Variants in RAB6A observed in about 807,000 individuals in gnomAD.
RAB6A encodes the protein ras-related protein Rab-6A.
In RAB6A, 8 loss-of-function variants were observed where a neutral mutation model predicts 32.3. That is an observed-to-expected ratio of 0.25 (90% CI 0.15 to 0.45). The LOEUF (loss-of-function observed/expected upper bound fraction) is 0.45. Ranked by LOEUF, RAB6A falls within the 20% of genes least tolerant of loss-of-function variation. RAB6A has a pLI of 1.00. For synonymous variants in RAB6A, 73 were observed against 82.1 expected (o/e 0.89, Z 0.60); for missense variants, 104 against 249.4 (o/e 0.42, Z 3.93).
chr11:73,722,267 T>C (rs1188206036), intron 2 of RAB6A: 1 of 142,536 alleles, frequency 7.0e-6, no homozygotes, highest in Non-Finnish European at 1.6e-5. Context: ...TCTTTTCTGA[T>C]GCTTCCGTAA....
rs148856911 is a variant in RAB6A at position 73,703,993 on chromosome 11, C to T, written c.495+3427G>A. ...GCAGTGAGCCGAGGTGGTGCCACTG[C>T]ACTCCAGCCTGGGCAACAGAGGGAG... is the stretch of plus-strand genomic sequence containing the variant. On this transcript the variant is annotated intron_variant, in intron 6 of 7. Coordinates refer to ENST00000336083, the MANE Select transcript of RAB6A (RefSeq NM_198896.2). Among the ~76,000 whole-genome samples the T allele has an allele frequency of 3.3e-3, 491 of 149,088 alleles. 1 individual carries two copies. Among genetic ancestry groups the T allele is most frequent in the Middle Eastern group, 0.014 (4 of 288 alleles).
chr11:73,717,626 T>C (rs936309454), intron 4 of RAB6A, among the ~76,000 whole-genome samples: 1 of 152,186 alleles, frequency 6.6e-6, no homozygotes, highest in Non-Finnish European at 1.5e-5. Context: ...GCATTTTTAG[T>C]AGAGATGGAG....
At position 73,692,788 on chromosome 11, in the gene RAB6A, C is replaced by CAAAAA. The variant is rs140762210; in HGVS notation, c.496-13073_496-13069dup. Among the ~76,000 whole-genome samples the CAAAAA allele has an allele frequency of 9.0e-4, 88 of 98,168 alleles. 1 individual carries two copies. Among genetic ancestry groups the CAAAAA allele is most frequent in the East Asian group, 2.2e-3 (7 of 3,194 alleles). The allele number at this position is 98,168 out of a possible 152,430, so 64.4% of individuals were successfully genotyped here. A position where few individuals can be genotyped will look rare whatever the true frequency, so the allele number is the denominator to read the frequency against. ...TGAAACCCTGTCTCTACTAAAAATA[C>CAAAAA]AAAAAAAAAAAAAAAAAAAAAAATT... is the stretch of plus-strand genomic sequence containing the variant. On this transcript the variant is annotated intron_variant, in intron 6 of 7. Transcript: ENST00000336083.
chr11:73,722,056 G>GTGTGTGTGTATATATATATAT (rs1555061901), intron 2 of RAB6A, among the ~76,000 whole-genome samples: 9 of 151,046 alleles, frequency 6.0e-5, no homozygotes, highest in Non-Finnish European at 1.2e-4. Flanking sequence ...CTTCTGCCAT[G>GTGTGTGTGTATATATATATAT]ATTGTAAGTT....
intron 1 of RAB6A, among the ~76,000 whole-genome samples, chr11:73,758,874 C>T (rs1379943406): frequency 2.0e-5 from 3 of 152,086 alleles, no homozygotes; most frequent in Admixed American, 6.6e-5. Context: ...CTAGAAGCAA[C>T]TCCATAGGTT....
At chr11:73,737,869 C>T (rs1302907680) in intron 1 of RAB6A, among the ~76,000 whole-genome samples, 2 of 151,254 alleles carry the variant, frequency 1.3e-5, no homozygotes, top group Non-Finnish European at 2.9e-5. Flanking sequence ...TGGTGGTGGG[C>T]GCCTGTAATC....
At chr11:73,749,805 T>C (rs1325415526) in intron 1 of RAB6A, among the ~76,000 whole-genome samples, 3 of 152,118 alleles carry the variant, frequency 2.0e-5, no homozygotes, top group Non-Finnish European at 4.4e-5. Flanking sequence ...GAGGATGCAG[T>C]GAGCTGTGAT....
intron 1 of RAB6A, among the ~76,000 whole-genome samples, chr11:73,738,952 AAAACTAAACT>A (rs527361465): frequency 3.3e-5 from 5 of 151,418 alleles, no homozygotes; most frequent in Non-Finnish European, 4.4e-5. Flanking sequence ...CTCAAAAAAC[AAAACTAAACT>A]AAACTAAACT....
chr11:73,736,490 T>C (rs1037957339), intron 1 of RAB6A, among the ~76,000 whole-genome samples: 2 of 151,100 alleles, frequency 1.3e-5, no homozygotes, highest in East Asian at 2.0e-4. Context: ...TATCTCCTAA[T>C]TGAAAACAAG....
In RAB6A at chr11:73,734,161, T is replaced by C. The variant is rs554936887; in HGVS notation, c.71-3338A>G. Among the ~76,000 whole-genome samples the C allele has an allele frequency of 2.6e-5, 4 of 152,320 alleles. No individual in the cohort carries two copies. The South Asian group carries it at 6.2e-4, about 24-fold the overall frequency. On this transcript the variant is annotated intron_variant, in intron 1 of 7. Transcript: ENST00000336083. ...TTGTTTTTGAGACGGGGTCTCACTC[T>C]GTCGCCCAGGCTGGAGTGCAGTGAC...
chr11:73,709,826 TATATACATATATACACATATATATAC>T (rs201008076), intron 5 of RAB6A, among the ~76,000 whole-genome samples: 14,558 of 127,274 alleles, frequency 0.11, 835 homozygotes, highest in South Asian at 0.31. Context: ...TTCATGCATA[TATATACATATATACACATATATATAC>T]ATATATACAT....
intron 6 of RAB6A, among the ~76,000 whole-genome samples, chr11:73,706,376 G>A (rs910127991): frequency 1.4e-4 from 21 of 151,970 alleles, no homozygotes; most frequent in African/African-American, 5.1e-4. Context: ...TTAGCCAGGC[G>A]TGATGCAGGC....
At chr11:73,681,447 G>A (rs967451632) in intron 6 of RAB6A, among the ~76,000 whole-genome samples, 6 of 152,196 alleles carry the variant, frequency 3.9e-5, no homozygotes, top group African/African-American at 1.2e-4. Flanking sequence ...AAGTATTACT[G>A]AATTAAACGA....
chr11:73,739,262 T>A (rs1427291671), intron 1 of RAB6A, among the ~76,000 whole-genome samples: 1 of 11,586 alleles, frequency 8.6e-5, no homozygotes, highest in Non-Finnish European at 1.4e-4. Context: ...GTAATAATAA[T>A]TAAAAAAAAA....
intron 1 of RAB6A, among the ~76,000 whole-genome samples, chr11:73,759,192 A>T (rs139713974): frequency 3.2e-4 from 48 of 152,330 alleles, no homozygotes; most frequent in African/African-American, 1.1e-3. Flanking sequence ...TAAAACACCT[A>T]GTAGGTACTC....
intron 5 of RAB6A, among the ~76,000 whole-genome samples, chr11:73,714,192 C>CAAAAAAAAA (rs71272251): frequency 4.5e-5 from 3 of 66,180 alleles, no homozygotes; most frequent in African/African-American, 1.8e-4. Context: ...AACTCCATCT[C>CAAAAAAAAA]AAAAAAAAAA....
At chr11:73,732,279 T>C (rs567748471) in intron 1 of RAB6A, among the ~76,000 whole-genome samples, 1 of 152,194 alleles carries the variant, frequency 6.6e-6, no homozygotes, top group South Asian at 2.1e-4. Context: ...ATGTACTTTT[T>C]GGGAGGATAA....
intron 6 of RAB6A, among the ~76,000 whole-genome samples, chr11:73,696,776 T>C (rs563427460): frequency 9.2e-5 from 14 of 152,062 alleles, no homozygotes; most frequent in Non-Finnish European, 7.4e-5. Context: ...CTAGAATTTT[T>C]TTTTTTTTGC....
chr11:73,734,904 A>G (rs1371603202), intron 1 of RAB6A, among the ~76,000 whole-genome samples: 1 of 152,228 alleles, frequency 6.6e-6, no homozygotes, highest in East Asian at 1.9e-4. Context: ...TTCAGATTTT[A>G]GAAAATTTGC....
Sources: allele counts gnomAD v4.1 joint callset (sites outside exome capture counted in the v4.1 genomes callset), GRCh38; gene constraint gnomAD v4.1.1; transcripts MANE v1.5; gene names NCBI Gene and HGNC (gene_info 2026-07-23, HGNC 2026-07-21).